The following MGA variants were observed in gnomAD, a reference collection of about 807,000 sequenced individuals.
MGA encodes the protein MAX dimerization protein MGA.
In MGA, 40 loss-of-function variants were observed where a neutral mutation model predicts 261.1. That is an observed-to-expected ratio of 0.15 (90% CI 0.12 to 0.20). MGA has a LOEUF of 0.20. MGA is among the 10% of genes least tolerant of loss of function. The pLI is 1.00. For missense variants in MGA, 3,397 were observed against 3,630.5 expected (o/e 0.94, Z 1.65); for synonymous variants, 1,302 against 1,290.6 (o/e 1.01, Z -0.19).
At chr15:41,760,139 T>C in intron 19 of MGA, 184 bp from the exon 20 acceptor site, 1 of 594,156 alleles carries the variant, frequency 1.7e-6, no homozygotes, top group East Asian at 2.9e-5. Flanking sequence ...AATTACACTG[T>C]TGGCATTGTA....
At chr15:41,727,513 A>T (rs187489097) in intron 10 of MGA, 107 bp downstream of exon 10, 2 of 1,042,284 alleles carry the variant, frequency 1.9e-6, no homozygotes, top group African/African-American at 3.2e-5. Flanking sequence ...TTTTGCTTTC[A>T]GTAATATGTT....
chr15:41,648,720 G>A (rs751246568), intron 1 of MGA, among the ~76,000 whole-genome samples: 3 of 152,158 alleles, frequency 2.0e-5, no homozygotes, highest in African/African-American at 4.8e-5. Context: ...GGAGTATGAT[G>A]TGTTATGGGG....
intron 15 of MGA, among the ~76,000 whole-genome samples, chr15:41,745,653 G>C (rs2062420269): frequency 1.3e-5 from 2 of 152,070 alleles, no homozygotes; most frequent in Admixed American, 1.3e-4. Flanking sequence ...CATCCTGGTT[G>C]GAGTGTAGTG....
intron 5 of MGA, 38 bp from the exon 6 acceptor site, chr15:41,707,690 A>C (rs775563656): frequency 6.3e-5 from 98 of 1,548,334 alleles, no homozygotes; most frequent in Non-Finnish European, 8.4e-5. Context: ...ATGATTTCTG[A>C]TTAATCTATG....
At chr15:41,742,374 A>T (rs2062163116) in intron 14 of MGA, among the ~76,000 whole-genome samples, 172 bp from the exon 15 acceptor site, 1 of 152,054 alleles carries the variant, frequency 6.6e-6, no homozygotes, top group Non-Finnish European at 1.5e-5. Context: ...GGGCAACAAG[A>T]AAGAAACTCC....
Position 41,749,472 on chromosome 15 carries a change from T to C in MGA, c.5865T>C (p.Val1955=). The change falls in exon 17 of 24, where the codon GTT becomes GTC. Residue 1955 remains valine (V), a synonymous_variant. Transcript: ENST00000219905. The stretch of plus-strand genomic sequence containing the variant: ...TACAGCTCCCAGGACAAAAGCCTGT[T>C]CCTAGCTCCATTCTTCAGCATGTTG... 1 of 1,613,998 alleles carries C rather than the reference T, an allele frequency of 6.2e-7. No homozygotes were observed. The highest frequency in any genetic ancestry group is 8.5e-7 in the Non-Finnish European group (1 of 1,179,894).
rs769761852 is a variant in MGA, at chr15:41,766,557, A to G, written c.8475A>G (p.Ser2825=). 1.9e-6 allele frequency: 3 copies of G among 1,613,968 alleles called. No individual in the cohort carries two copies. The highest frequency in any genetic ancestry group is 1.1e-5 in the South Asian group (1 of 91,082). Residue 2825 remains serine, a synonymous_variant, in exon 24 of 24, where the codon TCA becomes TCG. Transcript: ENST00000219905. ...ATGATACTGATGAGACACTGACTTCACTGCTCAATGAAATTGCCTTTCTTA... is the reference window on the plus strand; with the variant it reads ...ATGATACTGATGAGACACTGACTTCGCTGCTCAATGAAATTGCCTTTCTTA...
intron 1 of MGA, among the ~76,000 whole-genome samples, chr15:41,628,199 T>C (rs528425448): frequency 6.6e-6 from 1 of 151,816 alleles, no homozygotes; most frequent in African/African-American, 2.4e-5. Flanking sequence ...GGTGAAACCC[T>C]GTCTCTACTA....
At chr15:41,704,163 T>C (rs552721484) in intron 5 of MGA, among the ~76,000 whole-genome samples, 1 of 152,266 alleles carries the variant, frequency 6.6e-6, no homozygotes, top group Admixed American at 6.5e-5. Context: ...TCAAGAACTG[T>C]CTTCCTCTTC....
rs531766299 is a variant in MGA at position 41,748,851 on chromosome 15, C to T, written c.5427C>T (p.Val1809=). The change falls in exon 16 of 24, where the codon GTC becomes GTT. Residue 1809 remains valine, a synonymous_variant. Transcript: ENST00000219905. ...TCAGGCACCCTAATGGGCAGATTGT[C>T]CAGCTTCTACCTTTGCATCAGCTTC... is the stretch of plus-strand genomic sequence containing the variant. The T allele has an allele frequency of 5.0e-6, 8 of 1,613,970 alleles. No individual in the cohort carries two copies. The highest frequency in any genetic ancestry group is 2.2e-5 in the East Asian group (1 of 44,882).
intron 15 of MGA, among the ~76,000 whole-genome samples, chr15:41,744,438 T>G (rs1361668669): frequency 1.3e-5 from 2 of 152,032 alleles, no homozygotes; most frequent in African/African-American, 2.4e-5. Flanking sequence ...CTCCGTGATC[T>G]TCCCACCTTG....
At chr15:41,687,272 A>G (rs2059018971) in intron 2 of MGA, among the ~76,000 whole-genome samples, 1 of 152,170 alleles carries the variant, frequency 6.6e-6, no homozygotes, top group Admixed American at 6.6e-5. Flanking sequence ...CTTGTAAGCT[A>G]AGAATGATTT....
At chr15:41,688,676 T>G (rs1363481432) in intron 2 of MGA, among the ~76,000 whole-genome samples, 13 of 152,276 alleles carry the variant, frequency 8.5e-5, no homozygotes, top group East Asian at 1.9e-4. Flanking sequence ...TTTCCCTGTT[T>G]TTGTGTGGAT....
At chr15:41,757,054 T>A (rs12591285) in intron 18 of MGA, among the ~76,000 whole-genome samples, 22,409 of 152,118 alleles carry the variant, frequency 0.15, 2,597 homozygotes, top group East Asian at 0.68. Context: ...TGGTTACTTT[T>A]GAGAAGGAAG....
At chr15:41,631,489 G>A (rs532503923) in intron 1 of MGA, among the ~76,000 whole-genome samples, 4 of 152,218 alleles carry the variant, frequency 2.6e-5, no homozygotes, top group South Asian at 4.2e-4. Context: ...GCAACATAGC[G>A]AGACCCTGTC....
rs1428608234 is a variant in MGA, at chr15:41,677,657, C to T, written c.1064+7699C>T. On this transcript the variant is annotated intron_variant, in intron 2 of 23. Coordinates refer to ENST00000219905, the MANE Select transcript of MGA (RefSeq NM_001164273.2). ...TCTTAATGGGTATGAAGGGATAGCT[C>T]GTTGTTTTTAATTTGCATTTCCCTA... Among the ~76,000 whole-genome samples, 5 of 152,102 alleles carry T rather than the reference C, an allele frequency of 3.3e-5. No individual in the cohort carries two copies. In the East Asian group the frequency reaches 5.8e-4, roughly 18 times the overall value.
chr15:41,673,579 G>C (rs1047894333), intron 2 of MGA, among the ~76,000 whole-genome samples: 13 of 74,738 alleles, frequency 1.7e-4, no homozygotes. Flanking sequence ...TTTTGCTCTT[G>C]TTTTCCAGGC....
intron 2 of MGA, among the ~76,000 whole-genome samples, chr15:41,693,044 C>T (rs1193907726): frequency 6.6e-6 from 1 of 152,108 alleles, no homozygotes; most frequent in East Asian, 1.9e-4. Flanking sequence ...CACCATGTTG[C>T]CCCCAGAGTG....
chr15:41,693,467 A>G (rs762723652), intron 2 of MGA, among the ~76,000 whole-genome samples: 1 of 152,102 alleles, frequency 6.6e-6, no homozygotes, highest in Non-Finnish European at 1.5e-5. Flanking sequence ...TTTTCAAGTA[A>G]GGTTAAAATC....
Sources: allele counts gnomAD v4.1 joint callset (sites outside exome capture counted in the v4.1 genomes callset), GRCh38; gene constraint gnomAD v4.1.1; transcripts MANE v1.5; gene names NCBI Gene and HGNC (gene_info 2026-07-23, HGNC 2026-07-21).